Variants in SOS1 observed in about 807,000 individuals in gnomAD.
SOS1 encodes the protein SOS Ras/Rac guanine nucleotide exchange factor 1.
SOS1 carries 25 observed loss-of-function variants against 157.6 expected under a neutral mutation model. That is an observed-to-expected ratio of 0.16 (90% CI 0.12 to 0.22). The LOEUF (loss-of-function observed/expected upper bound fraction) is 0.22, where lower values mean the gene tolerates loss of function less well. Ranked by LOEUF, SOS1 falls within the 10% of genes least tolerant of loss-of-function variation. The pLI is 1.00. For synonymous variants in SOS1, 528 were observed against 534.0 expected (o/e 0.99, Z 0.16); for missense variants, 1,237 against 1,599.1 (o/e 0.77, Z 3.86).
intron 6 of SOS1, among the ~76,000 whole-genome samples, chr2:39,042,278 C>A (rs1670597125): frequency 6.6e-6 from 1 of 152,154 alleles, no homozygotes; most frequent in African/African-American, 2.4e-5. Context: ...GCTTGCTATG[C>A]ATTAAATTTG....
chr2:38,991,832 G>C (rs1177820988), intron 20 of SOS1, among the ~76,000 whole-genome samples: 1 of 145,026 alleles, frequency 6.9e-6, no homozygotes, highest in Non-Finnish European at 1.5e-5. Context: ...GTGAAGACGT[G>C]TAAGTGTTTA....
At chr2:39,069,555 T>C (rs533142609) in intron 1 of SOS1, among the ~76,000 whole-genome samples, 3 of 152,268 alleles carry the variant, frequency 2.0e-5, no homozygotes, top group Non-Finnish European at 4.4e-5. Flanking sequence ...TTATTCATTT[T>C]TTATTTTTTT....
chr2:39,045,963 C>G (rs1192852527), intron 6 of SOS1, among the ~76,000 whole-genome samples: 1 of 152,178 alleles, frequency 6.6e-6, no homozygotes, highest in East Asian at 1.9e-4. Context: ...CCACCCACCT[C>G]AGCCTCCCAA....
chr2:39,074,781 T>G (rs1488169631), intron 1 of SOS1, among the ~76,000 whole-genome samples: 1 of 151,060 alleles, frequency 6.6e-6, no homozygotes, highest in African/African-American at 2.4e-5. Context: ...GCAGGAGATT[T>G]GCTTGAACCC....
At chr2:39,057,775 C>T (rs1477731509) in intron 3 of SOS1, among the ~76,000 whole-genome samples, 1 of 151,994 alleles carries the variant, frequency 6.6e-6, no homozygotes, top group African/African-American at 2.4e-5. Context: ...ATGATGAATG[C>T]CTTTTCCATA....
chr2:38,987,197 C>G (rs187306857), intron 22 of SOS1, among the ~76,000 whole-genome samples: 3 of 152,258 alleles, frequency 2.0e-5, no homozygotes, highest in Non-Finnish European at 2.9e-5. Flanking sequence ...CTGCTTGAAA[C>G]CAAATTCCTC....
In SOS1 at chr2:39,120,815, A is replaced by G. The variant is rs181491122; in HGVS notation, c.-393T>C. On this transcript the variant is annotated 5_prime_UTR_variant, in exon 1 of 23. Transcript: ENST00000402219. ...CCGCGGCGGAGCTGGCGGCTGGGGGAGGACGTGTGGAGGGACGCTCCGGCC... is the reference window on the plus strand; with the variant it reads ...CCGCGGCGGAGCTGGCGGCTGGGGGGGGACGTGTGGAGGGACGCTCCGGCC... Among the ~76,000 whole-genome samples the G allele has an allele frequency of 4.1e-5, 6 of 147,948 alleles. No homozygotes were observed. Among genetic ancestry groups the G allele is most frequent in the Non-Finnish European group, 9.0e-5 (6 of 66,804 alleles).
intron 6 of SOS1, among the ~76,000 whole-genome samples, chr2:39,046,538 T>C (rs1038740887): frequency 4.8e-5 from 7 of 146,974 alleles, no homozygotes; most frequent in Admixed American, 4.1e-4. Context: ...GGAGTCTCGC[T>C]CTGTCGCCCA....
chr2:39,087,321 T>G (rs986317211), intron 1 of SOS1, among the ~76,000 whole-genome samples: 1 of 152,232 alleles, frequency 6.6e-6, no homozygotes, highest in Non-Finnish European at 1.5e-5. Context: ...TTCGTAAATA[T>G]TAACCACTGC....
chr2:39,028,399 T>C (rs558574206), intron 8 of SOS1, among the ~76,000 whole-genome samples: 94 of 152,268 alleles, frequency 6.2e-4, no homozygotes, highest in African/African-American at 2.1e-3. Flanking sequence ...AAAAAATAAA[T>C]TGTTGTACCC....
chr2:39,048,173 T>C (rs954086981), intron 6 of SOS1, among the ~76,000 whole-genome samples: 3 of 152,232 alleles, frequency 2.0e-5, no homozygotes, highest in African/African-American at 7.2e-5. Context: ...TCTTTGTGTA[T>C]TTCACAGGTC....
intron 1 of SOS1, among the ~76,000 whole-genome samples, chr2:39,089,549 A>G (rs1672507078): frequency 1.4e-5 from 2 of 141,930 alleles, no homozygotes; most frequent in South Asian, 2.3e-4. Context: ...AAAAAAAAAG[A>G]AAGAAAGAAA....
intron 17 of SOS1, among the ~76,000 whole-genome samples, chr2:39,002,208 A>C (rs961768281): frequency 1.6e-4 from 22 of 138,632 alleles, no homozygotes; most frequent in African/African-American, 6.1e-4. Context: ...TGCCTGTAAT[A>C]CCAGCTACTT....
intron 19 of SOS1, among the ~76,000 whole-genome samples, chr2:38,996,710 A>G (rs899643052): frequency 3.3e-5 from 5 of 152,148 alleles, no homozygotes; most frequent in Admixed American, 2.0e-4. Flanking sequence ...ATATTTGCTC[A>G]ATTTCATCAT....
intron 1 of SOS1, among the ~76,000 whole-genome samples, chr2:39,094,168 C>T (rs1016756495): frequency 1.2e-4 from 18 of 151,924 alleles, no homozygotes; most frequent in African/African-American, 3.4e-4. Flanking sequence ...AAACAGTTTT[C>T]TCTTTTTCTT....
chr2:39,077,792 A>G (rs1430412223), intron 1 of SOS1, among the ~76,000 whole-genome samples: 2 of 152,230 alleles, frequency 1.3e-5, no homozygotes, highest in African/African-American at 2.4e-5. Context: ...CATACCATAT[A>G]TAAAAACCAA....
intron 1 of SOS1, among the ~76,000 whole-genome samples, chr2:39,072,507 A>C (rs1671825426): frequency 6.6e-6 from 1 of 152,218 alleles, no homozygotes. Flanking sequence ...ACTAAAACAG[A>C]TGTTAATTAT....
intron 15 of SOS1, among the ~76,000 whole-genome samples, chr2:39,009,210 C>T (rs776262365): frequency 3.3e-5 from 5 of 151,648 alleles, no homozygotes; most frequent in African/African-American, 9.7e-5. Context: ...AGTACAATAA[C>T]TGAAATAAAA....
In SOS1 at chr2:39,007,382, C is replaced by T. The variant is rs189413994; in HGVS notation, c.2511-189G>A. 2.9e-3 allele frequency: 1,726 copies of T among 591,720 alleles called. 8 individuals carry two copies. The highest frequency in any genetic ancestry group is 4.1e-3 in the Non-Finnish European group (1,361 of 335,096). The allele number at this position is 591,720 out of a possible 1,614,324, so 36.7% of individuals were successfully genotyped here. A position where few individuals can be genotyped will look rare whatever the true frequency, so the allele number is the denominator to read the frequency against. On this transcript the variant is annotated intron_variant, in intron 15 of 22. Coordinates refer to ENST00000402219, the MANE Select transcript of SOS1 (RefSeq NM_005633.4). ...CCTCCAGTCAGGCATACTGCTCTTT[C>T]CCGTCTTCTAGACTGGTACAGTCAA...
Sources: gnomAD v4.1 joint callset for allele counts (sites outside exome capture counted in the v4.1 genomes callset) on GRCh38, gnomAD v4.1.1 for gene constraint, MANE v1.5 for transcripts, NCBI Gene and HGNC (gene_info 2026-07-23, HGNC 2026-07-21) for gene names.